Variants in MYZAP observed in about 807,000 individuals in gnomAD.
The protein encoded by MYZAP is myocardial zonula adherens protein.
A neutral mutation model predicts 69.4 loss-of-function variants in MYZAP; 66 were observed. That is an observed-to-expected ratio of 0.95 (90% CI 0.78 to 1.17). The LOEUF (loss-of-function observed/expected upper bound fraction) is 1.17. Ranked by LOEUF, MYZAP falls within the 50% of genes most tolerant of loss-of-function variation. The pLI, the probability that MYZAP is intolerant of heterozygous loss-of-function variation, is 0.00. For missense variants in MYZAP, 611 were observed against 556.2 expected, an observed-to-expected ratio of 1.10 and a Z score of -0.99; for synonymous variants, 256 against 205.9, an observed-to-expected ratio of 1.24 and a Z score of -2.09.
chr15:57,677,902 G>A (rs2052048773), intron 12 of MYZAP, among the ~76,000 whole-genome samples: 1 of 152,066 alleles, frequency 6.6e-6, no homozygotes, highest in African/African-American at 2.4e-5. Flanking sequence ...AAATAAAAAT[G>A]TGTACATAAA....
chr15:57,616,215 G>A (rs1222988290), intron 2 of MYZAP, among the ~76,000 whole-genome samples: 2 of 152,226 alleles, frequency 1.3e-5, no homozygotes, highest in African/African-American at 4.8e-5. Context: ...AGTTTTGTGT[G>A]TTAAAAAATG....
chr15:57,621,557 G>A, intron 3 of MYZAP, 51 bp from the exon 4 acceptor site: 1 of 1,582,194 alleles, frequency 6.3e-7, no homozygotes, highest in Non-Finnish European at 8.6e-7. Context: ...TAGAAATCTT[G>A]TATGAAAATG....
intron 4 of MYZAP, 82 bp downstream of exon 4, chr15:57,621,782 A>G: frequency 1.6e-6 from 2 of 1,290,000 alleles, no homozygotes; most frequent in South Asian, 1.3e-5. Context: ...GCCTAAAGAT[A>G]TTAGAGTATC....
chr15:57,624,098 T>G (rs1259261671), intron 4 of MYZAP, among the ~76,000 whole-genome samples: 1 of 152,242 alleles, frequency 6.6e-6, no homozygotes, highest in African/African-American at 2.4e-5. Context: ...TTGAAATGTT[T>G]GCACCATGTG....
intron 2 of MYZAP, among the ~76,000 whole-genome samples, chr15:57,610,361 G>A (rs1271413328): frequency 2.6e-5 from 4 of 152,186 alleles, no homozygotes; most frequent in Non-Finnish European, 5.9e-5. Context: ...CTGAGTTCTC[G>A]TCCTTGGCGT....
At chr15:57,612,018 C>A (rs2035135399) in intron 2 of MYZAP, among the ~76,000 whole-genome samples, 1 of 152,164 alleles carries the variant, frequency 6.6e-6, no homozygotes, top group Admixed American at 6.5e-5. Flanking sequence ...GAAAGCAAAA[C>A]AGTGTTAAGT....
At chr15:57,593,579 T>A (rs138565476) in intron 1 of MYZAP, among the ~76,000 whole-genome samples, 91 of 152,278 alleles carry the variant, frequency 6.0e-4, no homozygotes, top group African/African-American at 2.2e-3. Context: ...CAAATAACAT[T>A]TCTGAAGATT....
chr15:57,593,214 A>ACACACACACACACACACACACACCCCC (rs1172761785), intron 1 of MYZAP, among the ~76,000 whole-genome samples: 1 of 141,346 alleles, frequency 7.1e-6, no homozygotes, highest in African/African-American at 2.8e-5. Context: ...ACACACACAC[A>ACACACACACACACACACACACACCCCC]CCCCAGAATC....
rs1199813998 is a variant in MYZAP at position 57,637,767 on chromosome 15, A to G, written c.1006A>G (p.Lys336Glu). 2 of 1,609,258 alleles carry G rather than the reference A, an allele frequency of 1.2e-6. No homozygotes were observed. The highest frequency in any genetic ancestry group is 1.3e-5 in the African/African-American group (1 of 74,900). The stretch of plus-strand genomic sequence containing the variant: ...GTCTGGGGAGTTAACTGATTCTGAC[A>G]AGGAAAGGTAAGACGTAATGCCTTT... ...EMSGELTDSDKERYQQLEEAS... is the reference protein window; with the variant it reads ...EMSGELTDSDEERYQQLEEAS... Residue 336 changes from lysine to glutamate, a missense_variant, in exon 9 of 13, where the codon AAG (lysine) becomes GAG (glutamate). Lys to Glu is a moderately conservative substitution (Grantham distance 56). Coordinates refer to ENST00000267853, the MANE Select transcript of MYZAP (RefSeq NM_001018100.5).
At chr15:57,592,833 AGAGCCACAGCCAGGGGCTTG>A (rs1367364008) in intron 1 of MYZAP, among the ~76,000 whole-genome samples, 1 of 152,156 alleles carries the variant, frequency 6.6e-6, no homozygotes, top group Non-Finnish European at 1.5e-5. Flanking sequence ...TCAGCACCTT[AGAGCCACAGCCAGGGGCTTG>A]GCTTGTGGCT....
At chr15:57,647,954 C>T in intron 10 of MYZAP, 1 of 985,370 alleles carries the variant, frequency 1.0e-6, no homozygotes, top group South Asian at 4.7e-5. Context: ...GCTTTCCTCC[C>T]TTAACTGGAT....
intron 5 of MYZAP, among the ~76,000 whole-genome samples, chr15:57,628,932 A>T (rs1171189667): frequency 6.6e-6 from 1 of 151,662 alleles, no homozygotes; most frequent in Non-Finnish European, 1.5e-5. Flanking sequence ...AAAATACAAA[A>T]ATTAGCCAGG....
chr15:57,658,650 G>A (rs1379313973), intron 10 of MYZAP, among the ~76,000 whole-genome samples: 2 of 152,206 alleles, frequency 1.3e-5, no homozygotes, highest in African/African-American at 4.8e-5. Flanking sequence ...TTTTCGGAAA[G>A]GCAAGAACAC....
At chr15:57,664,611 T>A (rs2038479971) in intron 11 of MYZAP, among the ~76,000 whole-genome samples, 1 of 152,254 alleles carries the variant, frequency 6.6e-6, no homozygotes, top group Non-Finnish European at 1.5e-5. Flanking sequence ...CTAACTTACA[T>A]GTTCTTTAGT....
chr15:57,647,059 G>A (rs753608487), intron 10 of MYZAP: 26 of 985,350 alleles, frequency 2.6e-5, no homozygotes, highest in Non-Finnish European at 3.1e-5. Context: ...GAGTGAGTGC[G>A]TTCAGAGGCC....
chr15:57,651,332 C>T (rs1271656627), intron 10 of MYZAP, among the ~76,000 whole-genome samples: 4 of 152,130 alleles, frequency 2.6e-5, no homozygotes, highest in South Asian at 4.1e-4. Context: ...CTGAATTCAT[C>T]GAGAAAAGCA....
Position 57,591,997 on chromosome 15 carries a change from A to G in MYZAP, c.-38A>G, listed in dbSNP as rs1358247518. On this transcript the variant is annotated 5_prime_UTR_variant, in exon 1 of 13. Transcript: ENST00000267853. ...CGCACGCTTATTCTGCCCGGGAGGAACGCCGGCGTCCAGCCCGCTACCGAC... is the reference window on the plus strand; with the variant it reads ...CGCACGCTTATTCTGCCCGGGAGGAGCGCCGGCGTCCAGCCCGCTACCGAC... The G allele has an allele frequency of 1.4e-6, 2 of 1,412,486 alleles. No individual in the cohort carries two copies. Among genetic ancestry groups the G allele is most frequent in the South Asian group, 2.9e-5 (2 of 67,978 alleles). The allele number at this position is 1,412,486 out of a possible 1,614,324, so 87.5% of individuals were successfully genotyped here. A position where few individuals can be genotyped will look rare whatever the true frequency, so the allele number is the denominator to read the frequency against.
At chr15:57,650,010 A>G (rs1159964932) in intron 10 of MYZAP, among the ~76,000 whole-genome samples, 2 of 152,194 alleles carry the variant, frequency 1.3e-5, no homozygotes, top group Admixed American at 1.3e-4. Context: ...AACACCTGGG[A>G]TAGTCACTGG....
chr15:57,666,120 C>T (rs1035389340), intron 11 of MYZAP, among the ~76,000 whole-genome samples: 9 of 152,196 alleles, frequency 5.9e-5, no homozygotes, highest in Non-Finnish European at 8.8e-5. Context: ...TTGGAGACTT[C>T]GGTTCTGACT....
Sources: gnomAD v4.1 joint callset for allele counts (sites outside exome capture counted in the v4.1 genomes callset) on GRCh38, gnomAD v4.1.1 for gene constraint, MANE v1.5 for transcripts, NCBI Gene and HGNC (gene_info 2026-07-23, HGNC 2026-07-21) for gene names.